TRIM16: variants seen among roughly 807,000 people sequenced by gnomAD.
TRIM16 encodes tripartite motif containing 16.
A neutral mutation model predicts 50.4 loss-of-function variants in TRIM16; 33 were observed. That is an observed-to-expected ratio of 0.65 (90% confidence interval 0.50 to 0.88). TRIM16 has a LOEUF of 0.88. TRIM16 is among the 40% of genes least tolerant of loss of function. TRIM16 has a pLI of 0.00. For missense variants in TRIM16, 581 were observed against 686.8 expected, an observed-to-expected ratio of 0.85 and a Z score of 1.72; for synonymous variants, 229 against 270.7, an observed-to-expected ratio of 0.85 and a Z score of 1.51.
intron 6 of TRIM16, chr17:15,659,018 C>A (rs1394624862): frequency 3.3e-6 from 1 of 306,438 alleles, no homozygotes; most frequent in Non-Finnish European, 4.8e-6. Flanking sequence ...GTTGTAATGA[C>A]GGCTCCTCCG....
intron 9 of TRIM16, among the ~76,000 whole-genome samples, chr17:15,634,645 A>AAC (rs1555552956): frequency 2.1e-5 from 3 of 143,578 alleles, no homozygotes; most frequent in African/African-American, 7.9e-5. Context: ...AAAAAAAAAA[A>AAC]ACAAATAAAA....
intron 6 of TRIM16, among the ~76,000 whole-genome samples, chr17:15,667,082 T>C (rs1056319596): frequency 6.6e-5 from 10 of 152,130 alleles, no homozygotes; most frequent in African/African-American, 2.4e-4. Flanking sequence ...AAACTCCAGA[T>C]ACCTGCTGTT....
chr17:15,657,234 G>GTTGT (rs966701163), intron 6 of TRIM16, among the ~76,000 whole-genome samples: 11 of 151,962 alleles, frequency 7.2e-5, no homozygotes, highest in Non-Finnish European at 1.3e-4. Flanking sequence ...CCCAGGCTGG[G>GTTGT]TTGTTTGTTT....
intron 6 of TRIM16, among the ~76,000 whole-genome samples, chr17:15,663,528 G>A (rs752159842): frequency 7.9e-5 from 12 of 152,164 alleles, no homozygotes; most frequent in Non-Finnish European, 1.5e-4. Context: ...TCAGTAAGCC[G>A]AGGATAAAGA....
At chr17:15,666,119 C>G (rs1248252033) in intron 6 of TRIM16, among the ~76,000 whole-genome samples, 1 of 152,230 alleles carries the variant, frequency 6.6e-6, no homozygotes, top group East Asian at 1.9e-4. Context: ...TTACTAGAGT[C>G]CAAGCCATCA....
intron 11 of TRIM16, among the ~76,000 whole-genome samples, chr17:15,630,436 T>A (rs548646297): frequency 6.6e-6 from 1 of 152,350 alleles, no homozygotes; most frequent in East Asian, 1.9e-4. Flanking sequence ...ACATTTTGCA[T>A]GGGATTCTTC....
intron 3 of TRIM16, 141 bp downstream of exon 3, chr17:15,682,713 G>T (rs1322121446): frequency 4.0e-6 from 3 of 752,060 alleles, no homozygotes; most frequent in African/African-American, 3.7e-5. Flanking sequence ...CTCTTCCAAG[G>T]AGTCCGACTT....
chr17:15,663,736 C>T (rs931171817), intron 6 of TRIM16, among the ~76,000 whole-genome samples: 6 of 152,126 alleles, frequency 3.9e-5, no homozygotes, highest in Admixed American at 3.9e-4. Flanking sequence ...AGCTTGGGGT[C>T]CAAAACTGGA....
At chr17:15,662,873 A>G (rs1404433464) in intron 6 of TRIM16, among the ~76,000 whole-genome samples, 4 of 152,210 alleles carry the variant, frequency 2.6e-5, no homozygotes, top group Admixed American at 2.0e-4. Context: ...CGGTCTTGGT[A>G]GGCTACATGA....
chr17:15,641,987 T>A (rs1489023561), intron 8 of TRIM16, among the ~76,000 whole-genome samples: 3 of 148,438 alleles, frequency 2.0e-5, no homozygotes, highest in Non-Finnish European at 3.0e-5. Context: ...GGACTACAGG[T>A]GTGCACCACC....
chr17:15,672,589 C>T (rs1328325406), intron 6 of TRIM16, among the ~76,000 whole-genome samples: 1 of 152,166 alleles, frequency 6.6e-6, no homozygotes, highest in Non-Finnish European at 1.5e-5. Flanking sequence ...AACAAATTAG[C>T]CGGGTGTGGT....
intron 6 of TRIM16, among the ~76,000 whole-genome samples, chr17:15,660,481 C>A (rs1567683226): frequency 6.6e-6 from 1 of 152,210 alleles, no homozygotes; most frequent in Non-Finnish European, 1.5e-5. Context: ...TATTTCTATA[C>A]CCCTGATTGT....
chr17:15,664,410 T>C (rs1041622889), intron 6 of TRIM16, among the ~76,000 whole-genome samples: 1 of 152,144 alleles, frequency 6.6e-6, no homozygotes, highest in African/African-American at 2.4e-5. Flanking sequence ...AGAGTGAAAG[T>C]AATGAAAGCC....
chr17:15,660,256 GC>G (rs2150926753), intron 6 of TRIM16, among the ~76,000 whole-genome samples: 1 of 152,214 alleles, frequency 6.6e-6, no homozygotes, highest in South Asian at 2.1e-4. Flanking sequence ...CAAAAAATGT[GC>G]CCCTCCCTCG....
chr17:15,671,798 T>C (rs1294256472), intron 6 of TRIM16, among the ~76,000 whole-genome samples: 1 of 152,044 alleles, frequency 6.6e-6, no homozygotes, highest in East Asian at 1.9e-4. Context: ...CATATGTGAG[T>C]GATATAAATA....
chr17:15,638,113 AAGGCCGCAGGGTCC>A (rs1986931894), intron 8 of TRIM16, among the ~76,000 whole-genome samples: 1 of 128,924 alleles, frequency 7.8e-6, no homozygotes, highest in African/African-American at 3.1e-5. Context: ...AACACTGCGG[AAGGCCGCAGGGTCC>A]TCTGCCTAGG....
At chr17:15,651,044 C>A (rs1414272354) in intron 7 of TRIM16, 47 bp downstream of exon 7, 1 of 1,562,700 alleles carries the variant, frequency 6.4e-7, no homozygotes, top group East Asian at 2.3e-5. Flanking sequence ...GGCACACCAT[C>A]CCCCACCGCC....
chr17:15,644,835 A>G (rs1987285854), intron 7 of TRIM16, among the ~76,000 whole-genome samples: 1 of 151,504 alleles, frequency 6.6e-6, no homozygotes, highest in Non-Finnish European at 1.5e-5. Flanking sequence ...TTGTTTTTTG[A>G]GATGGAGTCT....
In TRIM16 at chr17:15,651,363, C is replaced by G; in HGVS notation, c.247G>C (p.Asp83His). The change falls in exon 7 of 12, where the codon GAC becomes CAC. Residue 83 changes from aspartate (D) to histidine (H), a missense_variant. By Grantham distance (81) the Asp-to-His change is moderately conservative. Coordinates refer to ENST00000649191, the MANE Select transcript of TRIM16 (RefSeq NM_001348119.1). The stretch of plus-strand genomic sequence containing the variant: ...TTCACTGCCTTCACTCTTCTGGTGT[C>G]ATCAAGGCAGAAGTCACACAGGACC... ...KEVLCDFCLDDTRRVKAVKSC... is the reference protein window; with the variant it reads ...KEVLCDFCLDHTRRVKAVKSC... 6.2e-7 allele frequency: 1 copy of G among 1,614,240 alleles called. No homozygotes were observed. Among genetic ancestry groups the G allele is most frequent in the South Asian group, 1.1e-5 (1 of 91,086 alleles).
Sources: gnomAD v4.1 joint callset for allele counts (sites outside exome capture counted in the v4.1 genomes callset) on GRCh38, gnomAD v4.1.1 for gene constraint, MANE v1.5 for transcripts, NCBI Gene and HGNC (gene_info 2026-07-23, HGNC 2026-07-21) for gene names.